LTBP4: variants seen among roughly 807,000 people sequenced by gnomAD.
The protein encoded by LTBP4 is latent transforming growth factor beta binding protein 4, also known as latent-transforming growth factor beta-binding protein 4.
A neutral mutation model predicts 180.2 loss-of-function variants in LTBP4; 93 were observed. That is an observed-to-expected ratio of 0.52 (90% CI 0.44 to 0.61). The LOEUF is 0.61. Among genes scored for constraint, LTBP4 ranks in the 20% least tolerant of loss-of-function variants. LTBP4 has a pLI of 0.00. For synonymous variants in LTBP4, 947 were observed against 934.5 expected, an observed-to-expected ratio of 1.01 and a Z score of -0.24; for missense variants, 2,116 against 2,256.5, an observed-to-expected ratio of 0.94 and a Z score of 1.26.
At chr19:40,620,026 C>A (rs961897716) in intron 22 of LTBP4, among the ~76,000 whole-genome samples, 7 of 152,120 alleles carry the variant, frequency 4.6e-5, no homozygotes, top group African/African-American at 1.7e-4. Context: ...GCAGAGGACA[C>A]AGCAAGGGCA....
upstream of LTBP4, chr19:40,599,294 G>A: frequency 1.2e-6 from 2 of 1,613,624 alleles, no homozygotes; most frequent in Non-Finnish European, 1.7e-6. Flanking sequence ...GGGGGCAAAA[G>A]GGAATAGGAG....
rs1221272120 is a variant in LTBP4 at position 40,624,074 on chromosome 19, A to G, written c.3824A>G (p.Gln1275Arg). ...CGCCGCTGCGTCTCCAACGAGAGCC[A>G]GAGCCTCGGTAACCCCGCCCACGCC... ...SQRRCVSNES[Q>R]SLDDNLGVCW... is the part of the protein sequence containing the mutation. Residue 1275 changes from glutamine to arginine, a missense_variant, in exon 26 of 30, where the codon CAG (glutamine) becomes CGG (arginine). Around this residue, in one of 5 missense-constraint regions of LTBP4, gnomAD observed 488 missense variants for 458.8 expected, o/e 1.06. Coordinates refer to ENST00000396819, the MANE Select transcript of LTBP4 (RefSeq NM_001042545.2). 1.3e-6 allele frequency: 2 copies of G among 1,563,840 alleles called. No individual in the cohort carries two copies. The highest frequency in any genetic ancestry group is 1.7e-6 in the Non-Finnish European group (2 of 1,151,644).
chr19:40,624,600 T>C (rs1292663744), intron 26 of LTBP4, among the ~76,000 whole-genome samples: 1 of 152,168 alleles, frequency 6.6e-6, no homozygotes, highest in African/African-American at 2.4e-5. Flanking sequence ...GGTTTCTCCA[T>C]GTTGGTCAGG....
At chr19:40,610,085 TTCTA>T in intron 11 of LTBP4, 1 of 619,690 alleles carries the variant, frequency 1.6e-6, no homozygotes, top group East Asian at 3.1e-5. Flanking sequence ...AACTGCCAGT[TTCTA>T]TCGGGGCCTG....
At position 40,627,851 on chromosome 19, in the gene LTBP4, T is replaced by G; in HGVS notation, c.4513T>G (p.Cys1505Gly). 6.4e-7 allele frequency: 1 copy of G among 1,564,772 alleles called. No individual in the cohort carries two copies. The highest frequency in any genetic ancestry group is 8.6e-7 in the Non-Finnish European group (1 of 1,161,804). The part of the protein sequence containing the change: ...GYRLDMTRMA[C>G]VDINECDEAE... ...CCGCCTGGACATGACCCGCATGGCC[T>G]GCGTTGGTGAGGGCGGGCCCGGGGC... Residue 1505 changes from cysteine to glycine, a missense_variant, in exon 29 of 30, where the codon TGC becomes GGC. Cys to Gly is a radical substitution (Grantham distance 159). Around this residue, in one of 5 missense-constraint regions of LTBP4, gnomAD observed 488 missense variants for 458.8 expected, o/e 1.06. Coordinates refer to ENST00000396819, the MANE Select transcript of LTBP4 (RefSeq NM_001042545.2).
chr19:40,600,270 G>A (rs2081414621), upstream of LTBP4: 7 of 579,394 alleles, frequency 1.2e-5, no homozygotes, highest in East Asian at 2.1e-4. This position sits in a 1 kb window ranked among gnomAD's most constrained non-coding sequence, Gnocchi z 4.4. Context: ...CCGCCTACCC[G>A]CCCCCCGTTG....
chr19:40,607,760 C>G (rs1202705940), intron 7 of LTBP4, among the ~76,000 whole-genome samples: 1 of 152,210 alleles, frequency 6.6e-6, no homozygotes, highest in Non-Finnish European at 1.5e-5. Context: ...CCCCGGAGCT[C>G]CCAAGTTAGT....
At chr19:40,599,691 T>C, upstream of LTBP4, 3 of 792,806 alleles carry the variant, frequency 3.8e-6, no homozygotes, top group Non-Finnish European at 4.0e-6. Context: ...GCTATCAGCC[T>C]GTCTGTCCGT....
chr19:40,625,283 TATATATATATATATATATA>T (rs2081620410), intron 26 of LTBP4, among the ~76,000 whole-genome samples: 10 of 8,704 alleles, frequency 1.1e-3, no homozygotes, highest in African/African-American at 6.6e-3. Flanking sequence ...TATATATATA[TATATATATATATATATATA>T]TATATATATA....
In LTBP4 at chr19:40,629,298, C is replaced by A; in HGVS notation, c.4520-98C>A. ...AGGCCAGATTGGACTCCAAACTGCTCAGCATCTGTGCTCCTCTGTTCCAAG... is the reference window on the plus strand; with the variant it reads ...AGGCCAGATTGGACTCCAAACTGCTAAGCATCTGTGCTCCTCTGTTCCAAG... On this transcript the variant is annotated intron_variant, in intron 29 of 29. Transcript: ENST00000396819. This position sits in a 1 kb window ranked among gnomAD's most constrained non-coding sequence, Gnocchi z 4.5. 2 of 1,526,464 alleles carry A rather than the reference C, an allele frequency of 1.3e-6. No individual in the cohort carries two copies. Among genetic ancestry groups the A allele is most frequent in the South Asian group, 1.1e-5 (1 of 88,914 alleles). 94.6% of individuals were successfully genotyped at this position (1,526,464 alleles called of 1,614,324 possible).
chr19:40,621,561 G>A lies in LTBP4; in HGVS notation c.3218-840G>A, dbSNP rs533996486. Among the ~76,000 whole-genome samples, 8 of 152,254 alleles carry A rather than the reference G, an allele frequency of 5.3e-5. No homozygotes were observed. The South Asian group carries it at 1.0e-3, about 20-fold the overall frequency. On this transcript the variant is annotated intron_variant, in intron 22 of 29. Transcript: ENST00000396819. ...GCCGCCATGTGAAGGTGATTGAAGC[G>A]GGTGATATGGAGGCTGGGAGCTCAG...
At chr19:40,598,856 G>A (rs1037904747), upstream of LTBP4, among the ~76,000 whole-genome samples, 1 of 152,190 alleles carries the variant, frequency 6.6e-6, no homozygotes, top group East Asian at 1.9e-4. Flanking sequence ...GACAGTGCGG[G>A]CTTAGAAATG....
Position 40,609,654 on chromosome 19 carries a change from A to T in LTBP4, c.1551A>T (p.Arg517=), listed in dbSNP as rs1203378168. 4 of 1,612,990 alleles carry T rather than the reference A, an allele frequency of 2.5e-6. No homozygotes were observed. The African/African-American group carries it at 5.3e-5, about 22-fold the overall frequency. The change falls in exon 10 of 30, where the codon CGA becomes CGT. Residue 517 remains arginine, a synonymous_variant. Coordinates refer to ENST00000396819, the MANE Select transcript of LTBP4 (RefSeq NM_001042545.2). This position sits in a 1 kb window ranked among gnomAD's most constrained non-coding sequence, Gnocchi z 4.9. ...TCCGGCTCAGCCCCCAGGGCACCCGATGCATTGGTGAGCAAGACGGAGGGC... is the reference window on the plus strand; with the variant it reads ...TCCGGCTCAGCCCCCAGGGCACCCGTTGCATTGGTGAGCAAGACGGAGGGC... The part of the protein sequence containing the change: ...SGFRLSPQGT[R]CIDVDECRRV...
intron 9 of LTBP4, chr19:40,608,833 C>T (rs968516307): frequency 1.4e-5 from 6 of 440,244 alleles, no homozygotes; most frequent in South Asian, 1.1e-4. Flanking sequence ...ATCACTTGAA[C>T]CCAGGAGGCA....
rs765443074 is a variant in LTBP4 at position 40,627,782 on chromosome 19, G to T, written c.4444G>T (p.Val1482Leu). ...ILDGCTNGRC[V>L]RVPEGFTCRC... is the part of the protein sequence containing the mutation. ...GGACGGCTGCACCAACGGCCGCTGC[G>T]TGCGCGTCCCCGAAGGCTTCACCTG... is the stretch of plus-strand genomic sequence containing the variant. The change falls in exon 29 of 30, where the codon GTG becomes TTG. Residue 1482 changes from valine (V) to leucine (L), a missense_variant. By Grantham distance (32) the Val-to-Leu change is conservative (BLOSUM62 1). Around this residue, in one of 5 missense-constraint regions of LTBP4, gnomAD observed 488 missense variants for 458.8 expected, o/e 1.06. Coordinates refer to ENST00000396819, the MANE Select transcript of LTBP4 (RefSeq NM_001042545.2). 8 of 1,573,896 alleles carry T rather than the reference G, an allele frequency of 5.1e-6. No homozygotes were observed. The highest frequency in any genetic ancestry group is 6.9e-6 in the Non-Finnish European group (8 of 1,163,808).
intron 11 of LTBP4, 101 bp from the exon 12 acceptor site, chr19:40,610,431 C>G (rs1392484370): frequency 3.5e-6 from 5 of 1,414,594 alleles, no homozygotes; most frequent in Non-Finnish European, 3.8e-6. Flanking sequence ...GGCTCTGGCC[C>G]AAGCTTGGTC....
Position 40,610,519 on chromosome 19 carries a change from T to A in LTBP4, c.1685-13T>A. ...GTCTGCCCCAGTCCCAGCCGCCTGG[T>A]CTGTGCCTACAGATGTGGACGAGTG... is the stretch of plus-strand genomic sequence containing the variant. On this transcript the variant is annotated splice_polypyrimidine_tract_variant and intron_variant, in intron 11 of 29. Transcript: ENST00000396819. 1 of 1,588,964 alleles carries A rather than the reference T, an allele frequency of 6.3e-7. No individual in the cohort carries two copies. Among genetic ancestry groups the A allele is most frequent in the Non-Finnish European group, 8.5e-7 (1 of 1,172,492 alleles).
At chr19:40,624,298 C>A (rs542678851) in intron 26 of LTBP4, among the ~76,000 whole-genome samples, 2 of 152,172 alleles carry the variant, frequency 1.3e-5, no homozygotes, top group African/African-American at 2.4e-5. Flanking sequence ...TTTAGGGCAA[C>A]CTTTGCATGT....
intron 6 of LTBP4, 113 bp from the exon 7 acceptor site, chr19:40,607,252 C>CA: frequency 3.6e-6 from 3 of 830,238 alleles, no homozygotes; most frequent in Non-Finnish European, 5.6e-6. Flanking sequence ...ATGCCCCTCG[C>CA]ACCCACCAAC....
Sources: gnomAD v4.1 joint callset for allele counts (sites outside exome capture counted in the v4.1 genomes callset) on GRCh38, gnomAD v4.1.1 for gene constraint, gnomAD v4.1.1 regional missense constraint, Gnocchi (gnomAD v3.1) non-coding constraint, MANE v1.5 for transcripts, NCBI Gene and HGNC (gene_info 2026-07-23, HGNC 2026-07-21) for gene names.